The following ZNRF2 variants were observed in gnomAD, a reference collection of about 807,000 sequenced individuals.
The protein encoded by ZNRF2 is E3 ubiquitin-protein ligase ZNRF2.
A neutral mutation model predicts 20.4 loss-of-function variants in ZNRF2; 16 were observed. The ratio of observed to expected loss-of-function variants is 0.79; its 90% CI spans 0.53 to 1.19. The LOEUF (loss-of-function observed/expected upper bound fraction) is 1.19, where lower values mean the gene tolerates loss of function less well. ZNRF2 is among the 50% of genes most tolerant of loss of function. The pLI is 0.00. For synonymous variants in ZNRF2, 178 were observed against 144.9 expected (o/e 1.23, Z -1.64); for missense variants, 363 against 332.4 (o/e 1.09, Z -0.72).
At position 30,367,108 on chromosome 7, in the gene ZNRF2, T is replaced by G. The variant is rs938758968; in HGVS notation, c.*1096T>G. 24 of 152,552 alleles carry G rather than the reference T, an allele frequency of 1.6e-4. No individual in the cohort carries two copies. Among genetic ancestry groups the G allele is most frequent in the African/African-American group, 4.8e-4 (20 of 41,460 alleles). 9.4% of individuals were successfully genotyped at this position (152,552 alleles called of 1,614,324 possible). Reference sequence around the variant, plus strand: ...TGCCAGGTTTATAGCAATTTGCAACTTTAATTTTCCAGATAATCTGGAGGT... The same window carrying G: ...TGCCAGGTTTATAGCAATTTGCAACGTTAATTTTCCAGATAATCTGGAGGT... On this transcript the variant is annotated 3_prime_UTR_variant, in exon 5 of 5. Transcript: ENST00000323037.
intron 3 of ZNRF2, among the ~76,000 whole-genome samples, chr7:30,356,130 G>A (rs1035135596): frequency 3.9e-5 from 6 of 152,084 alleles, no homozygotes; most frequent in African/African-American, 1.4e-4. Flanking sequence ...GAGAAAATAA[G>A]CTAAGGGACA....
intron 2 of ZNRF2, among the ~76,000 whole-genome samples, chr7:30,333,297 G>A (rs575473704): frequency 4.1e-5 from 6 of 147,188 alleles, no homozygotes; most frequent in South Asian, 2.1e-4. Context: ...CAGGTGATCC[G>A]CCCACCATGG....
At chr7:30,343,362 C>T (rs1244915071) in intron 2 of ZNRF2, among the ~76,000 whole-genome samples, 1 of 152,022 alleles carries the variant, frequency 6.6e-6, no homozygotes, top group Non-Finnish European at 1.5e-5. Context: ...GCACTTCATC[C>T]TAGATGACAG....
chr7:30,299,073 A>G (rs1799065016), intron 1 of ZNRF2, among the ~76,000 whole-genome samples: 1 of 152,144 alleles, frequency 6.6e-6, no homozygotes. Flanking sequence ...GTGTACAACT[A>G]GTTATCTTTA....
rs1214736368 is a variant in ZNRF2, at chr7:30,366,193, A to AAG, written c.*186_*187dup. The stretch of plus-strand genomic sequence containing the variant: ...GTACTGGGGTAAAAAAACCCTGCTG[A>AAG]AGAGAGGACAGTGACCACAGAACTC... On this transcript the variant is annotated 3_prime_UTR_variant, in exon 5 of 5. Coordinates refer to ENST00000323037, the MANE Select transcript of ZNRF2 (RefSeq NM_147128.4). 1 of 152,618 alleles carries AAG rather than the reference A, an allele frequency of 6.6e-6. No individual in the cohort carries two copies. The highest frequency in any genetic ancestry group is 1.5e-5 in the Non-Finnish European group (1 of 68,014). The allele number at this position is 152,618 out of a possible 1,614,324, so 9.5% of individuals were successfully genotyped here.
chr7:30,315,678 T>A (rs1333693560), intron 1 of ZNRF2, among the ~76,000 whole-genome samples: 4 of 129,930 alleles, frequency 3.1e-5, no homozygotes, highest in African/African-American at 1.2e-4. Flanking sequence ...AAATGTCTGA[T>A]CCCATAATTA....
chr7:30,307,709 C>T (rs1799232184), intron 1 of ZNRF2, among the ~76,000 whole-genome samples: 1 of 151,862 alleles, frequency 6.6e-6, no homozygotes. Context: ...TAACCTGTTG[C>T]CTCAAGACTT....
At chr7:30,324,029 T>C (rs1041108680) in intron 2 of ZNRF2, among the ~76,000 whole-genome samples, 17 of 152,174 alleles carry the variant, frequency 1.1e-4, no homozygotes, top group Non-Finnish European at 2.5e-4. Context: ...TAAATATAAT[T>C]ATGTTGACAA....
chr7:30,288,678 G>T (rs1798841889), intron 1 of ZNRF2: 1 of 152,202 alleles, frequency 6.6e-6, no homozygotes, highest in Non-Finnish European at 1.5e-5. Flanking sequence ...CTAGAATTGA[G>T]TTGCCAGACA....
At chr7:30,338,609 C>T (rs1799752686) in intron 2 of ZNRF2, among the ~76,000 whole-genome samples, 1 of 152,054 alleles carries the variant, frequency 6.6e-6, no homozygotes, top group Admixed American at 6.6e-5. Flanking sequence ...ATGAAGTCAT[C>T]CTTTTTTATG....
rs959128615 is a variant in ZNRF2 at position 30,345,296 on chromosome 7, C to T, written c.566-10432C>T. ...GTTCCTGTGATTTCTTCTAGTGCTT[C>T]TTCTAGTTTTACCTTCATTTTTGTA... On this transcript the variant is annotated intron_variant, in intron 2 of 4. Transcript: ENST00000323037. Among the ~76,000 whole-genome samples, 4 of 151,854 alleles carry T rather than the reference C, an allele frequency of 2.6e-5. No homozygotes were observed. In the East Asian group the frequency reaches 7.7e-4, roughly 29 times the overall value.
At chr7:30,343,521 CT>C (rs1266608831) in intron 2 of ZNRF2, among the ~76,000 whole-genome samples, 1 of 151,992 alleles carries the variant, frequency 6.6e-6, no homozygotes, top group African/African-American at 2.4e-5. Flanking sequence ...AATGTTGCTG[CT>C]GTTATATGGG....
At chr7:30,318,333 T>G (rs1799409780) in intron 1 of ZNRF2, among the ~76,000 whole-genome samples, 1 of 152,164 alleles carries the variant, frequency 6.6e-6, no homozygotes, top group Non-Finnish European at 1.5e-5. Context: ...GGATCAGTTC[T>G]TCTGGGTGAT....
In ZNRF2 at chr7:30,285,812, C is replaced by G; in HGVS notation, c.455C>G (p.Pro152Arg). ...VIGSLPAHLS[P>R]HMFGGFKCPV... ...GGCTCCTTACCAGCTCACCTCTCGC[C>G]GCACATGTTTGGAGGTACGGACCCC... Residue 152 changes from proline (P) to arginine (R), a missense_variant, in exon 1 of 5, where the codon CCG (proline) becomes CGG (arginine). Coordinates refer to ENST00000323037, the MANE Select transcript of ZNRF2 (RefSeq NM_147128.4). The G allele has an allele frequency of 6.6e-7, 1 of 1,525,540 alleles. No individual in the cohort carries two copies. The highest frequency in any genetic ancestry group is 8.7e-7 in the Non-Finnish European group (1 of 1,145,242). The allele number at this position is 1,525,540 out of a possible 1,614,324, so 94.5% of individuals were successfully genotyped here.
At position 30,363,572 on chromosome 7, in the gene ZNRF2, A is replaced by G. The variant is rs75545378; in HGVS notation, c.*22+1116A>G. ...ATAAATTTATTCATTCAATTTAATCATTCACTTTTATATCTTTAGCATGTA... is the reference window on the plus strand; with the variant it reads ...ATAAATTTATTCATTCAATTTAATCGTTCACTTTTATATCTTTAGCATGTA... On this transcript the variant is annotated intron_variant, in intron 4 of 4. Transcript: ENST00000323037. Among the ~76,000 whole-genome samples the G allele has an allele frequency of 1.2e-4, 18 of 152,322 alleles. No individual in the cohort carries two copies. The East Asian group carries it at 3.1e-3, about 26-fold the overall frequency.
At chr7:30,322,380 C>T (rs1236731887) in intron 1 of ZNRF2, among the ~76,000 whole-genome samples, 1 of 152,174 alleles carries the variant, frequency 6.6e-6, no homozygotes, top group Non-Finnish European at 1.5e-5. Context: ...GAAGGGAGGA[C>T]AGTTCCTGTG....
chr7:30,341,177 T>C (rs1206163990), intron 2 of ZNRF2, among the ~76,000 whole-genome samples: 2 of 152,126 alleles, frequency 1.3e-5, no homozygotes, highest in Non-Finnish European at 2.9e-5. Context: ...CTTTTCAAAA[T>C]AACAGCTCTT....
chr7:30,343,988 C>T (rs1304171603), intron 2 of ZNRF2, among the ~76,000 whole-genome samples: 14 of 145,592 alleles, frequency 9.6e-5, no homozygotes, highest in Admixed American at 6.3e-4. Flanking sequence ...GGCGCGATCT[C>T]GGCTCACTGC....
At chr7:30,324,119 T>A (rs1447418680) in intron 2 of ZNRF2, among the ~76,000 whole-genome samples, 1 of 152,196 alleles carries the variant, frequency 6.6e-6, no homozygotes, top group Non-Finnish European at 1.5e-5. Flanking sequence ...ACAAACTCTT[T>A]AATATCAGGC....
Sources: gnomAD v4.1 joint callset for allele counts (sites outside exome capture counted in the v4.1 genomes callset) on GRCh38, gnomAD v4.1.1 for gene constraint, MANE v1.5 for transcripts, NCBI Gene and HGNC (gene_info 2026-07-23, HGNC 2026-07-21) for gene names.